Variants in GLDC observed in about 807,000 individuals in gnomAD.
GLDC encodes glycine decarboxylase, also known as glycine dehydrogenase (decarboxylating), mitochondrial.
GLDC carries 104 observed loss-of-function variants against 121.3 expected under a neutral mutation model. The observed-to-expected ratio is 0.86, with a 90% confidence interval of 0.73 to 1.01. The LOEUF (loss-of-function observed/expected upper bound fraction) is 1.01. GLDC is among the 50% of genes least tolerant of loss of function. The pLI, the probability that GLDC is intolerant of heterozygous loss-of-function variation, is 0.00. For synonymous variants in GLDC, 546 were observed against 480.6 expected, an observed-to-expected ratio of 1.14 and a Z score of -1.78; for missense variants, 1,429 against 1,306.6, an observed-to-expected ratio of 1.09 and a Z score of -1.44.
At chr9:6,540,407 T>C (rs1817230184) in intron 21 of GLDC, 1 of 461,336 alleles carries the variant, frequency 2.2e-6, no homozygotes, top group African/African-American at 2.0e-5. Context: ...TTATGGCTAA[T>C]GGCAGGTGGG....
At chr9:6,538,711 G>A (rs1214877956) in intron 22 of GLDC, among the ~76,000 whole-genome samples, 2 of 152,300 alleles carry the variant, frequency 1.3e-5, no homozygotes, top group South Asian at 4.1e-4. Context: ...ACCTCCCTGT[G>A]AGCCCCTCCT....
intron 2 of GLDC, among the ~76,000 whole-genome samples, chr9:6,628,048 AC>A (rs1192025860): frequency 6.6e-6 from 1 of 152,184 alleles, no homozygotes; most frequent in Non-Finnish European, 1.5e-5. Context: ...TGCTGAACCA[AC>A]CTGAAACTGA....
chr9:6,589,338 G>T, intron 11 of GLDC, 46 bp from the exon 12 acceptor site: 1 of 1,163,012 alleles, frequency 8.6e-7, no homozygotes, highest in Non-Finnish European at 1.3e-6. Context: ...TGTGCCTGGA[G>T]CCACATGTGG....
At position 6,560,180 on chromosome 9, in the gene GLDC, A is replaced by C. The variant is rs148601163; in HGVS notation, c.1927-1496T>G. 4.6e-5 allele frequency among the ~76,000 whole-genome samples: 7 copies of C among 152,358 alleles called. No homozygotes were observed. The East Asian group carries it at 1.3e-3, about 29-fold the overall frequency. On this transcript the variant is annotated intron_variant, in intron 16 of 24. Coordinates refer to ENST00000321612, the MANE Select transcript of GLDC (RefSeq NM_000170.3). ...CAGAAGGTTTTCCCCAACAAAAAGCATCAAGGAGAAGCCATGATTACCCTG... is the reference window on the plus strand; with the variant it reads ...CAGAAGGTTTTCCCCAACAAAAAGCCTCAAGGAGAAGCCATGATTACCCTG...
At chr9:6,602,616 G>C (rs560271819) in intron 7 of GLDC, among the ~76,000 whole-genome samples, 2 of 152,240 alleles carry the variant, frequency 1.3e-5, no homozygotes, top group South Asian at 2.1e-4. Context: ...GCCTCCCAAA[G>C]TGCTGGGATT....
intron 17 of GLDC, among the ~76,000 whole-genome samples, chr9:6,557,259 C>T (rs116626110): frequency 0.018 from 2,668 of 152,056 alleles, 68 homozygotes; most frequent in African/African-American, 0.058. Flanking sequence ...AGAAACATCA[C>T]TATATACCCC....
chr9:6,553,441 C>T lies in GLDC; in HGVS notation c.2384G>A (p.Cys795Tyr). 1 of 1,613,738 alleles carries T rather than the reference C, an allele frequency of 6.2e-7. No individual in the cohort carries two copies. The highest frequency in any genetic ancestry group is 8.5e-7 in the Non-Finnish European group (1 of 1,179,646). ...VISLKRNEDA[C>Y]PVGTVSAAPW... ...GGCCGCACTGACGGTTCCCACAGGA[C>T]AGGCATCCTCATTCCGCTTTAGTGA... The change falls in exon 20 of 25, where the codon TGT (cysteine) becomes TAT (tyrosine). Residue 795 changes from cysteine to tyrosine, a missense_variant. By Grantham distance (194) the Cys-to-Tyr change is radical. Transcript: ENST00000321612.
chr9:6,613,480 T>A (rs1237086176), intron 3 of GLDC, among the ~76,000 whole-genome samples: 3 of 152,164 alleles, frequency 2.0e-5, no homozygotes, highest in African/African-American at 4.8e-5. Flanking sequence ...AAAAGAAGTT[T>A]TTGTATCTTA....
At chr9:6,565,266 C>T in intron 16 of GLDC, 88 bp downstream of exon 16, 1 of 911,528 alleles carries the variant, frequency 1.1e-6, no homozygotes, top group Non-Finnish European at 1.9e-6. Flanking sequence ...TCCAAGAAGG[C>T]TTGGAGGGAG....
rs1818694071 is a variant in GLDC, at chr9:6,604,701, G to T, written c.945C>A (p.Gly315=). The change falls in exon 7 of 25, where the codon GGC becomes GGA. Residue 315 remains glycine, a synonymous_variant. Coordinates refer to ENST00000321612, the MANE Select transcript of GLDC (RefSeq NM_000170.3). ...PGEFGVDIAL[G]SSQRFGVPLG... ...GTGGCACTCCAAATCTCTGGGAGCT[G>T]CCCAGGGCGATGTCTACCCCAAATT... 1.9e-6 allele frequency: 3 copies of T among 1,613,894 alleles called. No individual in the cohort carries two copies. Among genetic ancestry groups the T allele is most frequent in the African/African-American group, 1.3e-5 (1 of 74,932 alleles).
At chr9:6,601,326 G>A (rs775594053) in intron 8 of GLDC, among the ~76,000 whole-genome samples, 1 of 152,168 alleles carries the variant, frequency 6.6e-6, no homozygotes, top group South Asian at 2.1e-4. Context: ...AAGAGAGGGT[G>A]TCTCAACTGC....
chr9:6,582,347 T>C (rs1325430904), intron 15 of GLDC, among the ~76,000 whole-genome samples: 2 of 149,244 alleles, frequency 1.3e-5, no homozygotes, highest in African/African-American at 5.0e-5. Flanking sequence ...GGCGAAACCC[T>C]GTCTCTACTA....
At chr9:6,592,303 G>C in intron 10 of GLDC, 80 bp from the exon 11 acceptor site, 1 of 862,030 alleles carries the variant, frequency 1.2e-6, no homozygotes, top group Admixed American at 1.7e-5. Context: ...GGTCAAAGGG[G>C]AGACAGTGCT....
chr9:6,556,261 T>C lies in GLDC; in HGVS notation c.2094A>G (p.Thr698=). The change falls in exon 18 of 25, where the codon ACA becomes ACG. Residue 698 remains threonine, a synonymous_variant. Coordinates refer to ENST00000321612, the MANE Select transcript of GLDC (RefSeq NM_000170.3). ...CAAACACCCCATTGGTGGATGGGTA[T>C]GTAATCATGATAGCTGCTAGGTTCT... ...HKENLAAIMI[T]YPSTNGVFEE... 3 of 1,613,134 alleles carry C rather than the reference T, an allele frequency of 1.9e-6. No homozygotes were observed. The highest frequency in any genetic ancestry group is 2.5e-6 in the Non-Finnish European group (3 of 1,179,084).
At chr9:6,594,434 G>A (rs10975668) in intron 9 of GLDC, among the ~76,000 whole-genome samples, 32,740 of 151,930 alleles carry the variant, frequency 0.22, 4,000 homozygotes, top group Middle Eastern at 0.28. Context: ...GGTGGCTCAC[G>A]CCTGTAATCC....
At position 6,534,886 on chromosome 9, in the gene GLDC, G is replaced by T; in HGVS notation, c.2839-98C>A. On this transcript the variant is annotated intron_variant, in intron 23 of 24. Transcript: ENST00000321612. ...CGTCAATCTTCTGACAGGAGCCCAG[G>T]CAGAGAAAGCTGTTGTTTTCTTTCA... 4.1e-6 allele frequency: 3 copies of T among 726,800 alleles called. No individual in the cohort carries two copies. The Admixed American group carries it at 5.9e-5, about 14-fold the overall frequency. 45.0% of individuals were successfully genotyped at this position (726,800 alleles called of 1,614,324 possible). A position where few individuals can be genotyped will look rare whatever the true frequency, so the allele number is the denominator to read the frequency against.
rs138387400 is a variant in GLDC, at chr9:6,538,652, G to A, written c.2665+1399C>T. Among the ~76,000 whole-genome samples, 148 of 152,312 alleles carry A rather than the reference G, an allele frequency of 9.7e-4. 4 individuals are homozygous for A. The East Asian group carries it at 0.022, about 22-fold the overall frequency. On this transcript the variant is annotated intron_variant, in intron 22 of 24. Transcript: ENST00000321612. ...TATCAATCTTCAAAACAACATTGAGGTCAGGAGACAACATGATTCAGAAAC... is the reference window on the plus strand; with the variant it reads ...TATCAATCTTCAAAACAACATTGAGATCAGGAGACAACATGATTCAGAAAC...
Position 6,645,684 on chromosome 9 carries a change from CG to C in GLDC, c.-186del, listed in dbSNP as rs140030144. 4,001 of 360,454 alleles carry C rather than the reference CG, an allele frequency of 0.011. 116 individuals are homozygous for C. Among genetic ancestry groups the C allele is most frequent in the African/African-American group, 0.072 (3,339 of 46,310 alleles). 22.3% of individuals were successfully genotyped at this position (360,454 alleles called of 1,614,324 possible). A position where few individuals can be genotyped will look rare whatever the true frequency, so the allele number is the denominator to read the frequency against. On this transcript the variant is annotated 5_prime_UTR_variant, in exon 1 of 25. Coordinates refer to ENST00000321612, the MANE Select transcript of GLDC (RefSeq NM_000170.3). ...GGGCGCTGCGCTCAACCAAGACACTCGCGCAAAGTTGTGGCTCCACCCAAGG... is the reference window on the plus strand; with the variant it reads ...GGGCGCTGCGCTCAACCAAGACACTCCGCAAAGTTGTGGCTCCACCCAAGG...
At chr9:6,574,808 C>T (rs894297210) in intron 15 of GLDC, among the ~76,000 whole-genome samples, 3 of 152,092 alleles carry the variant, frequency 2.0e-5, no homozygotes, top group Non-Finnish European at 2.9e-5. Flanking sequence ...CTGCACTAGG[C>T]TCGGTGGAAA....
Sources: allele counts gnomAD v4.1 joint callset (sites outside exome capture counted in the v4.1 genomes callset), GRCh38; gene constraint gnomAD v4.1.1; transcripts MANE v1.5; gene names NCBI Gene and HGNC (gene_info 2026-07-23, HGNC 2026-07-21).